The following CARD6 variants were observed in gnomAD, a reference collection of about 807,000 sequenced individuals.
CARD6 encodes the protein caspase recruitment domain-containing protein 6.
A neutral mutation model predicts 23.6 loss-of-function variants in CARD6; 27 were observed. The ratio of observed to expected loss-of-function variants is 1.14; its 90% confidence interval spans 0.84 to 1.58. CARD6 has a LOEUF of 1.58. CARD6 is among the 40% of genes most tolerant of loss of function. CARD6 has a pLI of 0.00. For missense variants in CARD6, 1,214 were observed against 1,209.9 expected (o/e 1.00, Z -0.05); for synonymous variants, 397 against 431.8 (o/e 0.92, Z 1.00).
chr5:40,848,210 GTT>G (rs200993412), intron 2 of CARD6, among the ~76,000 whole-genome samples: 2 of 124,924 alleles, frequency 1.6e-5, no homozygotes, highest in Non-Finnish European at 1.7e-5. Flanking sequence ...AATTTTAATT[GTT>G]TTTTTTTTTT....
intron 2 of CARD6, among the ~76,000 whole-genome samples, chr5:40,846,186 T>C (rs1745963963): frequency 6.6e-6 from 1 of 151,926 alleles, no homozygotes; most frequent in Admixed American, 6.6e-5. Context: ...CTAATTTTTG[T>C]ATTTTTAGTA....
chr5:40,849,803 T>C (rs1225046944), intron 2 of CARD6, among the ~76,000 whole-genome samples: 1 of 151,840 alleles, frequency 6.6e-6, no homozygotes. Context: ...GGTGAGACCC[T>C]GTCTCTACAA....
intron 2 of CARD6, among the ~76,000 whole-genome samples, chr5:40,845,624 C>CA (rs1449620380): frequency 6.6e-6 from 1 of 152,118 alleles, no homozygotes; most frequent in Non-Finnish European, 1.5e-5. Context: ...CATTATTCTG[C>CA]AAAAATCCCC....
At chr5:40,851,990 T>C (rs1177082655) in intron 2 of CARD6, among the ~76,000 whole-genome samples, 184 bp from the exon 3 acceptor site, 1 of 147,426 alleles carries the variant, frequency 6.8e-6, no homozygotes, top group Non-Finnish European at 1.5e-5. Flanking sequence ...CCAGGCATGG[T>C]GGTGGGTGAC....
Position 40,854,533 on chromosome 5 carries a change from A to G in CARD6, c.*87A>G. 9.9e-7 allele frequency: 1 copy of G among 1,013,562 alleles called. No individual in the cohort carries two copies. Among genetic ancestry groups the G allele is most frequent in the South Asian group, 1.5e-5 (1 of 65,906 alleles). 62.8% of individuals were successfully genotyped at this position (1,013,562 alleles called of 1,614,324 possible). On this transcript the variant is annotated 3_prime_UTR_variant, in exon 3 of 3. Coordinates refer to ENST00000254691, the MANE Select transcript of CARD6 (RefSeq NM_032587.4). The stretch of plus-strand genomic sequence containing the variant: ...AAGCAGAAGAGTTGCCATGAAAGTA[A>G]AAGACTACTGTCATTAGCATGTAAA...
chr5:40,853,823 G>GA lies in CARD6; in HGVS notation c.2492dup (p.Arg832GlufsTer9), dbSNP rs780889591. 2 of 1,614,078 alleles carry GA rather than the reference G, an allele frequency of 1.2e-6. No homozygotes were observed. The highest frequency in any genetic ancestry group is 2.2e-5 in the South Asian group (2 of 91,092). The stretch of plus-strand genomic sequence containing the variant: ...TTGTCAGCATGTACAGGCCTGCCCT[G>GA]AGAGACCACAAATGATGGGAACTCT... On this transcript the variant is annotated frameshift_variant, in exon 3 of 3. Transcript: ENST00000254691. LOFTEE classifies it low-confidence loss of function (END_TRUNC).
rs755283154 is a variant in CARD6 at position 40,852,517 on chromosome 5, G to A, written c.1185G>A (p.Met395Ile). 1.1e-5 allele frequency: 18 copies of A among 1,614,194 alleles called. No individual in the cohort carries two copies. The highest frequency in any genetic ancestry group is 1.3e-5 in the Non-Finnish European group (15 of 1,180,028). ...CSDSSLQRQV[M>I]SNMYQCQFAL... Reference sequence around the variant, plus strand: ...ATAGCTCTTTGCAACGCCAAGTCATGTCAAACATGTATCAGTGCCAGTTTG... The same window carrying A: ...ATAGCTCTTTGCAACGCCAAGTCATATCAAACATGTATCAGTGCCAGTTTG... Residue 395 changes from methionine to isoleucine, a missense_variant, in exon 3 of 3, where the codon ATG becomes ATA. By Grantham distance (10) the Met-to-Ile change is conservative (BLOSUM62 1). Transcript: ENST00000254691.
chr5:40,844,832 A>G (rs1745938758), intron 2 of CARD6, among the ~76,000 whole-genome samples: 1 of 151,316 alleles, frequency 6.6e-6, no homozygotes, highest in African/African-American at 2.4e-5. Flanking sequence ...GAAATCTGAA[A>G]TCAAAGTATC....
rs1561218025 is a variant in CARD6, at chr5:40,854,660, G to A, written c.*214G>A. On this transcript the variant is annotated 3_prime_UTR_variant, in exon 3 of 3. Coordinates refer to ENST00000254691, the MANE Select transcript of CARD6 (RefSeq NM_032587.4). ...GGCTGGAGTGCAATGGCACGATCTC[G>A]GCTCACCGCAACCTCTGCTTCCTGG... 5 of 520,154 alleles carry A rather than the reference G, an allele frequency of 9.6e-6. No individual in the cohort carries two copies. The highest frequency in any genetic ancestry group is 6.8e-6 in the Non-Finnish European group (2 of 292,588). 32.2% of individuals were successfully genotyped at this position (520,154 alleles called of 1,614,324 possible). A position where few individuals can be genotyped will look rare whatever the true frequency, so the allele number is the denominator to read the frequency against.
At chr5:40,849,953 C>G (rs918671117) in intron 2 of CARD6, among the ~76,000 whole-genome samples, 1 of 150,996 alleles carries the variant, frequency 6.6e-6, no homozygotes, top group Admixed American at 6.6e-5. Flanking sequence ...GCACTCCAGC[C>G]TAGGTAACAG....
At position 40,841,462 on chromosome 5, in the gene CARD6, A is replaced by C. The variant is rs1474969749; in HGVS notation, c.80A>C (p.Asp27Ala). 2.5e-6 allele frequency: 4 copies of C among 1,613,854 alleles called. 1 individual carries two copies. Among genetic ancestry groups the C allele is most frequent in the South Asian group, 2.2e-5 (2 of 91,054 alleles). ...CTTGAAATCCTTCAACATGATCCTGATTCTATCTTAGACACGTTAACTTCT... is the reference window on the plus strand; with the variant it reads ...CTTGAAATCCTTCAACATGATCCTGCTTCTATCTTAGACACGTTAACTTCT... ...KLLEILQHDP[D>A]SILDTLTSRR... Residue 27 changes from aspartate (D) to alanine (A), a missense_variant, in exon 1 of 3, where the codon GAT (aspartate) becomes GCT (alanine). Physicochemically the swap from Asp to Ala is moderately radical, Grantham distance 126. Coordinates refer to ENST00000254691, the MANE Select transcript of CARD6 (RefSeq NM_032587.4).
chr5:40,842,014 A>G (rs704034), intron 1 of CARD6, among the ~76,000 whole-genome samples: 18,286 of 152,240 alleles, frequency 0.12, 1,292 homozygotes, highest in Non-Finnish European at 0.16. Context: ...TTTCAAGTAG[A>G]TGAATTCGTG....
rs61748217 is a variant in CARD6, at chr5:40,852,215, A to C, written c.883A>C (p.Met295Leu). ...VFKDVLLCLNMDRSRKVLPDF... is the reference protein window; with the variant it reads ...VFKDVLLCLNLDRSRKVLPDF... ...TAAAGATGTCCTGTTATGTTTGAAC[A>C]TGGATAGAAGCAGAAAGGTTCTGCC... is the stretch of plus-strand genomic sequence containing the variant. The change falls in exon 3 of 3, where the codon ATG becomes CTG. Residue 295 changes from methionine (M) to leucine (L), a missense_variant. Met to Leu is a conservative substitution (Grantham distance 15). Coordinates refer to ENST00000254691, the MANE Select transcript of CARD6 (RefSeq NM_032587.4). 5 of 1,613,720 alleles carry C rather than the reference A, an allele frequency of 3.1e-6. No homozygotes were observed. Among genetic ancestry groups the C allele is most frequent in the Admixed American group, 3.3e-5 (2 of 59,980 alleles).
In CARD6 at chr5:40,843,065, G is replaced by T; in HGVS notation, c.284-87G>T. 5 of 797,486 alleles carry T rather than the reference G, an allele frequency of 6.3e-6. No individual in the cohort carries two copies. The South Asian group carries it at 9.2e-5, about 15-fold the overall frequency. 49.4% of individuals were successfully genotyped at this position (797,486 alleles called of 1,614,324 possible). A position where few individuals can be genotyped will look rare whatever the true frequency, so the allele number is the denominator to read the frequency against. On this transcript the variant is annotated intron_variant, in intron 1 of 2. Coordinates refer to ENST00000254691, the MANE Select transcript of CARD6 (RefSeq NM_032587.4). The stretch of plus-strand genomic sequence containing the variant: ...AAAAATAAATAAATAAATAAAAGGA[G>T]AGGGATGAAGCTTTGAGGCCTCAGG...
chr5:40,855,200 G>C lies in CARD6; in HGVS notation c.*754G>C, dbSNP rs950384749. ...GTCAAAAGCTTCTGGTTCAATATCA[G>C]CCACTGAGCAGATAACCCTGCTTAT... On this transcript the variant is annotated 3_prime_UTR_variant, in exon 3 of 3. Coordinates refer to ENST00000254691, the MANE Select transcript of CARD6 (RefSeq NM_032587.4). The C allele has an allele frequency of 6.6e-6, 1 of 152,314 alleles. No homozygotes were observed. Among genetic ancestry groups the C allele is most frequent in the African/African-American group, 2.4e-5 (1 of 41,438 alleles). The allele number at this position is 152,314 out of a possible 1,614,324, so 9.4% of individuals were successfully genotyped here.
intron 2 of CARD6, among the ~76,000 whole-genome samples, chr5:40,846,702 G>C (rs978150087): frequency 1.1e-4 from 17 of 152,114 alleles, no homozygotes; most frequent in Admixed American, 6.6e-5. Context: ...CTCTGTGCAT[G>C]TCTCTGTGTC....
At chr5:40,847,496 T>A (rs1745986043) in intron 2 of CARD6, among the ~76,000 whole-genome samples, 1 of 152,232 alleles carries the variant, frequency 6.6e-6, no homozygotes, top group Non-Finnish European at 1.5e-5. Context: ...CTGAAAAATT[T>A]ATTTATTTTT....
intron 2 of CARD6, among the ~76,000 whole-genome samples, chr5:40,846,201 T>TG (rs1321200977): frequency 4.0e-5 from 6 of 151,238 alleles, no homozygotes; most frequent in African/African-American, 1.5e-4. Context: ...TTAGTAGAGA[T>TG]GGGGTTTCAC....
intron 1 of CARD6, 69 bp downstream of exon 1, chr5:40,841,734 T>C: frequency 7.7e-7 from 1 of 1,305,102 alleles, no homozygotes. Flanking sequence ...GAAAACAAAA[T>C]GAAAGAAAAT....
Sources: allele counts gnomAD v4.1 joint callset (sites outside exome capture counted in the v4.1 genomes callset), GRCh38; gene constraint gnomAD v4.1.1; transcripts MANE v1.5; gene names NCBI Gene and HGNC (gene_info 2026-07-23, HGNC 2026-07-21).